The following GALNTL5 variants were observed in gnomAD, a reference collection of about 807,000 sequenced individuals.
GALNTL5 encodes inactive polypeptide N-acetylgalactosaminyltransferase-like protein 5.
A neutral mutation model predicts 51.0 loss-of-function variants in GALNTL5; 44 were observed. That is an observed-to-expected ratio of 0.86 (90% confidence interval 0.68 to 1.11). The LOEUF is 1.11. Ranked by LOEUF, GALNTL5 falls within the 50% of genes least tolerant of loss-of-function variation. The pLI is 0.00. For missense variants in GALNTL5, 528 were observed against 531.8 expected, an observed-to-expected ratio of 0.99 and a Z score of 0.07; for synonymous variants, 192 against 182.8, an observed-to-expected ratio of 1.05 and a Z score of -0.41.
intron 1 of GALNTL5, among the ~76,000 whole-genome samples, chr7:151,958,634 TG>T (rs201735735): frequency 1.1e-5 from 1 of 92,816 alleles, no homozygotes; most frequent in African/African-American, 5.2e-5. Flanking sequence ...AGCCCACTGG[TG>T]CTCCTAGGCT....
rs146471999 is a variant in GALNTL5 at position 152,006,883 on chromosome 7, A to G, written c.909-944A>G. 1.6e-3 allele frequency among the ~76,000 whole-genome samples: 239 copies of G among 151,888 alleles called. 1 individual carries two copies. The highest frequency in any genetic ancestry group is 5.6e-3 in the African/African-American group (233 of 41,398). On this transcript the variant is annotated intron_variant, in intron 6 of 8. Coordinates refer to ENST00000392800, the MANE Select transcript of GALNTL5 (RefSeq NM_145292.4). ...CCCAGGTTCAAGCGATTCTCATGCC[A>G]CAGTGTCCTGGGTAGCTGGGATTAC...
At chr7:151,989,203 G>A (rs1035907312) in intron 5 of GALNTL5, among the ~76,000 whole-genome samples, 1 of 151,238 alleles carries the variant, frequency 6.6e-6, no homozygotes, top group Non-Finnish European at 1.5e-5. Flanking sequence ...AGGATGGAGT[G>A]CAGTGGTGTG....
intron 1 of GALNTL5, among the ~76,000 whole-genome samples, chr7:151,965,748 G>A (rs923673603): frequency 2.0e-5 from 3 of 152,028 alleles, no homozygotes; most frequent in East Asian, 1.9e-4. Context: ...TTAGCCACGC[G>A]TGGTGGCATG....
At chr7:151,998,507 C>T (rs1024341598) in intron 5 of GALNTL5, among the ~76,000 whole-genome samples, 3 of 152,120 alleles carry the variant, frequency 2.0e-5, no homozygotes, top group East Asian at 3.9e-4. Context: ...CATGGTGGCT[C>T]ACGCCCATAA....
At chr7:151,997,954 C>T (rs1020807746) in intron 5 of GALNTL5, among the ~76,000 whole-genome samples, 6 of 151,956 alleles carry the variant, frequency 3.9e-5, no homozygotes, top group African/African-American at 1.2e-4. Flanking sequence ...GTAATCCTAG[C>T]GCTTTAGGAG....
intron 5 of GALNTL5, among the ~76,000 whole-genome samples, chr7:151,993,648 TCTCTCTCTGTCACCCAC>T (rs2081456234): frequency 1.3e-5 from 2 of 152,154 alleles, no homozygotes; most frequent in African/African-American, 4.8e-5. Flanking sequence ...TGAGACAGGA[TCTCTCTCTGTCACCCAC>T]GCTGGAGTGC....
intron 3 of GALNTL5, among the ~76,000 whole-genome samples, chr7:151,982,158 A>G (rs919754700): frequency 6.6e-6 from 1 of 152,228 alleles, no homozygotes; most frequent in Non-Finnish European, 1.5e-5. Context: ...CATGCCTGTA[A>G]TCCCAACACT....
At chr7:151,993,647 ATCTC>A (rs1311548998) in intron 5 of GALNTL5, among the ~76,000 whole-genome samples, 2 of 151,994 alleles carry the variant, frequency 1.3e-5, no homozygotes, top group Non-Finnish European at 2.9e-5. Context: ...CTGAGACAGG[ATCTC>A]TCTCTGTCAC....
chr7:151,957,771 G>A (rs2080943788), intron 1 of GALNTL5: 4 of 152,052 alleles, frequency 2.6e-5, no homozygotes, highest in Admixed American at 2.6e-4. Flanking sequence ...TACAAATTCT[G>A]TGCTTTTCTA....
chr7:151,994,760 CA>C (rs2081473910), intron 5 of GALNTL5, among the ~76,000 whole-genome samples: 1 of 49,920 alleles, frequency 2.0e-5, no homozygotes, highest in African/African-American at 5.9e-5. Context: ...CCCTTACCCC[CA>C]ATTTTTTTTT....
chr7:152,000,519 C>T (rs146736286), intron 5 of GALNTL5, among the ~76,000 whole-genome samples: 19 of 152,314 alleles, frequency 1.2e-4, no homozygotes, highest in Admixed American at 9.1e-4. Flanking sequence ...CCTCCCCTCC[C>T]ACCCATCATT....
rs1412241062 is a variant in GALNTL5 at position 151,967,245 on chromosome 7, C to T, written c.-2C>T. On this transcript the variant is annotated 5_prime_UTR_variant, in exon 2 of 9. Transcript: ENST00000392800. ...TGGACCTTTGAAAATGCTAGATTTA[C>T]AATGAGAAATGCCATAATTCAAGGT... The T allele has an allele frequency of 1.2e-6, 2 of 1,607,184 alleles. No homozygotes were observed. The highest frequency in any genetic ancestry group is 1.7e-6 in the Non-Finnish European group (2 of 1,177,148).
rs151275982 is a variant in GALNTL5, at chr7:152,002,716, G to A, written c.661G>A (p.Asp221Asn). ...RLIGASHASG[D>N]VLVFLDSHCE... Reference sequence around the variant, plus strand: ...TTGCCCTGTTCTTGCCTCCCCAGGGGATGTTCTGGTGTTCCTGGACAGCCA... The same window carrying A: ...TTGCCCTGTTCTTGCCTCCCCAGGGAATGTTCTGGTGTTCCTGGACAGCCA... Residue 221 changes from aspartate to asparagine, a missense_variant and splice_region_variant, in exon 6 of 9, where the codon GAT becomes AAT. Physicochemically the swap from Asp to Asn is conservative, Grantham distance 23 (BLOSUM62 1). Coordinates refer to ENST00000392800, the MANE Select transcript of GALNTL5 (RefSeq NM_145292.4). 11 of 1,613,922 alleles carry A rather than the reference G, an allele frequency of 6.8e-6. No individual in the cohort carries two copies. The highest frequency in any genetic ancestry group is 9.3e-6 in the Non-Finnish European group (11 of 1,179,986).
chr7:151,970,671 C>T (rs941672928), intron 2 of GALNTL5: 1 of 235,000 alleles, frequency 4.3e-6, no homozygotes, highest in Non-Finnish European at 8.4e-6. Flanking sequence ...CCACCAGGAG[C>T]AGATGCTGGC....
chr7:152,019,686 C>T lies in GALNTL5; in HGVS notation c.1217C>T (p.Thr406Ile). 2 of 1,613,674 alleles carry T rather than the reference C, an allele frequency of 1.2e-6. No homozygotes were observed. Among genetic ancestry groups the T allele is most frequent in the Non-Finnish European group, 1.7e-6 (2 of 1,179,706 alleles). ...CGAAAGCCTGGTCTGAAATATGTCA[C>T]CTACGGAAATATTCGCGAGCGTGTT... ...FLRKPGLKYV[T>I]YGNIRERVEL... Residue 406 changes from threonine to isoleucine, a missense_variant, in exon 9 of 9, where the codon ACC becomes ATC. By Grantham distance (89) the Thr-to-Ile change is moderately conservative. Coordinates refer to ENST00000392800, the MANE Select transcript of GALNTL5 (RefSeq NM_145292.4).
At chr7:151,962,619 T>TGG (rs1289854549) in intron 1 of GALNTL5, among the ~76,000 whole-genome samples, 10 of 151,928 alleles carry the variant, frequency 6.6e-5, no homozygotes, top group South Asian at 2.1e-4. Flanking sequence ...GTTTGTTTGT[T>TGG]TGTTTAATAG....
chr7:151,995,102 T>G (rs2081481250), intron 5 of GALNTL5: 1 of 152,612 alleles, frequency 6.6e-6, no homozygotes, highest in Non-Finnish European at 1.5e-5. Flanking sequence ...ATCTGTCCAT[T>G]TCTCTGGGCC....
At chr7:151,986,168 C>G (rs557954980) in intron 4 of GALNTL5, among the ~76,000 whole-genome samples, 152 of 152,314 alleles carry the variant, frequency 1.0e-3, no homozygotes, top group African/African-American at 3.6e-3. Context: ...CTTCTCTCAG[C>G]TGAGGAAACT....
chr7:151,998,770 T>TAAAAAAA (rs1447916747), intron 5 of GALNTL5, among the ~76,000 whole-genome samples: 2 of 71,418 alleles, frequency 2.8e-5, no homozygotes, highest in East Asian at 4.3e-4. Flanking sequence ...AGACTCTATC[T>TAAAAAAA]AAAAAAAAAA....
Sources: allele counts gnomAD v4.1 joint callset (sites outside exome capture counted in the v4.1 genomes callset), GRCh38; gene constraint gnomAD v4.1.1; transcripts MANE v1.5; gene names NCBI Gene and HGNC (gene_info 2026-07-23, HGNC 2026-07-21).